Variants in ADCY3 observed in about 807,000 individuals in gnomAD.
The protein encoded by ADCY3 is adenylate cyclase type 3.
In ADCY3, 70 loss-of-function variants were observed where a neutral mutation model predicts 119.4. The ratio of observed to expected loss-of-function variants is 0.59; its 90% CI spans 0.48 to 0.72. ADCY3 has a LOEUF of 0.72. Among genes scored for constraint, ADCY3 ranks in the 30% least tolerant of loss-of-function variants. ADCY3 has a pLI of 0.00. For missense variants in ADCY3, 1,238 were observed against 1,541.6 expected (o/e 0.80, Z 3.30); for synonymous variants, 672 against 621.4 (o/e 1.08, Z -1.21).
intron 3 of ADCY3, among the ~76,000 whole-genome samples, chr2:24,868,353 A>G (rs998934585): frequency 2.0e-5 from 3 of 152,236 alleles, no homozygotes; most frequent in Non-Finnish European, 1.5e-5. Flanking sequence ...ATGTTTTAGG[A>G]AAGAAAGGCT....
intron 17 of ADCY3, 100 bp from the exon 18 acceptor site, chr2:24,823,455 G>T: frequency 7.7e-7 from 1 of 1,301,330 alleles, no homozygotes; most frequent in South Asian, 1.5e-5. Flanking sequence ...TGTGCACTCA[G>T]CTTTTTGGAC....
At chr2:24,887,318 G>T (rs1677149214) in intron 2 of ADCY3, among the ~76,000 whole-genome samples, 1 of 152,152 alleles carries the variant, frequency 6.6e-6, no homozygotes, top group South Asian at 2.1e-4. Flanking sequence ...GACACGTAGG[G>T]ATGATGGAGA....
intron 2 of ADCY3, among the ~76,000 whole-genome samples, chr2:24,880,578 G>C (rs1400906999): frequency 1.3e-5 from 2 of 152,250 alleles, no homozygotes; most frequent in East Asian, 3.8e-4. Flanking sequence ...TATTTCAAAT[G>C]TAAGCATATC....
chr2:24,834,409 A>AGCCGGGGGGGGGGG lies in ADCY3; in HGVS notation c.1967+75_1967+76insCCCCCCCCCCCGGC. 7.8e-7 allele frequency: 1 copy of AGCCGGGGGGGGGGG among 1,281,034 alleles called. No individual in the cohort carries two copies. Among genetic ancestry groups the AGCCGGGGGGGGGGG allele is most frequent in the Non-Finnish European group, 1.1e-6 (1 of 923,992 alleles). 79.4% of individuals were successfully genotyped at this position (1,281,034 alleles called of 1,614,324 possible). ...GCTCCCCAATGTCAGGCTCCCGCTG[A>AGCCGGGGGGGGGGG]GACACCTGCCCCCGCCCCCCGCCCG... On this transcript the variant is annotated intron_variant, in intron 11 of 21. Transcript: ENST00000679454. This position sits in a 1 kb window ranked among gnomAD's most constrained non-coding sequence, Gnocchi z 4.2.
chr2:24,842,265 G>A lies in ADCY3; in HGVS notation c.945C>T (p.His315=), dbSNP rs773963140. 76 of 1,613,994 alleles carry A rather than the reference G, an allele frequency of 4.7e-5. No homozygotes were observed. The highest frequency in any genetic ancestry group is 2.0e-4 in the East Asian group (9 of 44,890). The stretch of plus-strand genomic sequence containing the variant: ...CCGGGCCGGCGTACCTGACGTTCTC[G>A]TGACGGTACATGTACATGGTGTTGA... ...QQFNTMYMYR[H]ENVSILFADI... The change falls in exon 4 of 22, where the codon CAC becomes CAT. Residue 315 remains histidine (H), a synonymous_variant. Transcript: ENST00000679454. This position sits in a 1 kb window ranked among gnomAD's most constrained non-coding sequence, Gnocchi z 4.9.
intron 16 of ADCY3, among the ~76,000 whole-genome samples, chr2:24,825,287 CTTCCTTCTCTT>C (rs1318623978): frequency 8.2e-5 from 12 of 146,014 alleles, no homozygotes; most frequent in African/African-American, 3.1e-4. Context: ...TCTTCCCTCT[CTTCCTTCTCTT>C]TTCCTTTTTT....
At chr2:24,886,957 C>G (rs1010199869) in intron 2 of ADCY3, among the ~76,000 whole-genome samples, 1 of 152,266 alleles carries the variant, frequency 6.6e-6, no homozygotes, top group Non-Finnish European at 1.5e-5. Context: ...ACAAGTGACA[C>G]CCCGTGGCTC....
In ADCY3 at chr2:24,834,529, G is replaced by A. The variant is rs144816894; in HGVS notation, c.1923C>T (p.Val641=). 1.0e-4 allele frequency: 165 copies of A among 1,613,618 alleles called. No individual in the cohort carries two copies. The highest frequency in any genetic ancestry group is 3.3e-4 in the Middle Eastern group (2 of 6,046). Residue 641 remains valine (V), a synonymous_variant, in exon 11 of 22, where the codon GTC becomes GTT. Coordinates refer to ENST00000679454, the MANE Select transcript of ADCY3 (RefSeq NM_004036.5). The surrounding 1 kb of genome is among the most constrained non-coding windows in gnomAD (Gnocchi z 4.2). The part of the protein sequence containing the change: ...QSGAAFSCSC[V]VLLCTALVEI... ...CGACCAGGGCCGTGCAGAGCAGGAC[G>A]ACGCAGGAGCAGCTGAAGGCAGCCC...
At position 24,872,475 on chromosome 2, in the gene ADCY3, C is replaced by G; in HGVS notation, c.825+95G>C. 6.9e-7 allele frequency: 1 copy of G among 1,459,792 alleles called. No homozygotes were observed. The highest frequency in any genetic ancestry group is 1.3e-5 in the South Asian group (1 of 75,630). The allele number at this position is 1,459,792 out of a possible 1,614,324, so 90.4% of individuals were successfully genotyped here. A position where few individuals can be genotyped will look rare whatever the true frequency, so the allele number is the denominator to read the frequency against. ...CAGGGTGGATGAACGCCAAGCCCCA[C>G]GGAGCCAGGGGCTGCCGCTCTGGTT... On this transcript the variant is annotated intron_variant, in intron 3 of 21. Coordinates refer to ENST00000679454, the MANE Select transcript of ADCY3 (RefSeq NM_004036.5). This position sits in a 1 kb window ranked among gnomAD's most constrained non-coding sequence, Gnocchi z 4.4.
rs564902919 is a variant in ADCY3, at chr2:24,904,450, G to A, written c.675+13863C>T. Among the ~76,000 whole-genome samples, 7 of 152,156 alleles carry A rather than the reference G, an allele frequency of 4.6e-5. No individual in the cohort carries two copies. In the East Asian group the frequency reaches 1.4e-3, roughly 30 times the overall value. On this transcript the variant is annotated intron_variant, in intron 2 of 21. Transcript: ENST00000679454. ...GCAGGAGAATCACTTGAACCCGGGA[G>A]GCAGAGGCTGCAGTGAGCCGAGATC...
intron 2 of ADCY3, among the ~76,000 whole-genome samples, chr2:24,917,197 A>G (rs1363749518): frequency 6.6e-6 from 1 of 152,208 alleles, no homozygotes; most frequent in Non-Finnish European, 1.5e-5. Flanking sequence ...CATGGCTGCT[A>G]GAGGCTCACG....
chr2:24,853,705 C>A (rs531377567), intron 3 of ADCY3, among the ~76,000 whole-genome samples: 29 of 152,044 alleles, frequency 1.9e-4, no homozygotes, highest in African/African-American at 6.5e-4. Context: ...GTGATCTGCC[C>A]GAGATCCTGA....
At chr2:24,873,404 G>C (rs1412922874) in intron 2 of ADCY3, among the ~76,000 whole-genome samples, 1 of 152,164 alleles carries the variant, frequency 6.6e-6, no homozygotes, top group Non-Finnish European at 1.5e-5. Context: ...GGGGTGTCCT[G>C]GGACTTGAGG....
At chr2:24,892,793 T>C (rs1483363498) in intron 2 of ADCY3, among the ~76,000 whole-genome samples, 1 of 152,194 alleles carries the variant, frequency 6.6e-6, no homozygotes, top group Non-Finnish European at 1.5e-5. Flanking sequence ...AAAGTATATA[T>C]TGTCTGGTAC....
At chr2:24,912,724 T>C (rs1441997066) in intron 2 of ADCY3, among the ~76,000 whole-genome samples, 1 of 152,134 alleles carries the variant, frequency 6.6e-6, no homozygotes, top group Non-Finnish European at 1.5e-5. Flanking sequence ...AAAGCGCTGA[T>C]TTAAAATAAT....
rs898042925 is a variant in ADCY3 at position 24,899,639 on chromosome 2, G to A, written c.675+18674C>T. Among the ~76,000 whole-genome samples the A allele has an allele frequency of 1.3e-5, 2 of 152,218 alleles. No homozygotes were observed. The highest frequency in any genetic ancestry group is 2.9e-5 in the Non-Finnish European group (2 of 68,038). The stretch of plus-strand genomic sequence containing the variant: ...GGCACCACCCAGCTGATGGAGGCAG[G>A]GCTGCAGACGGCAGAGGCATCTCAT... On this transcript the variant is annotated intron_variant, in intron 2 of 21. Coordinates refer to ENST00000679454, the MANE Select transcript of ADCY3 (RefSeq NM_004036.5). This position sits in a 1 kb window ranked among gnomAD's most constrained non-coding sequence, Gnocchi z 4.5.
Position 24,827,451 on chromosome 2 carries a change from G to A in ADCY3, c.2495+95C>T, listed in dbSNP as rs77673895. 10,468 of 1,400,392 alleles carry A rather than the reference G, an allele frequency of 7.5e-3. 449 individuals carry two copies. The African/African-American group carries it at 0.12, about 16-fold the overall frequency. The allele number at this position is 1,400,392 out of a possible 1,614,324, so 86.7% of individuals were successfully genotyped here. ...GCACGTATCAGGTCACGTGCCTCCC[G>A]GGAGGGTGAGATCCCGGGGCTTGGG... On this transcript the variant is annotated intron_variant, in intron 15 of 21. Coordinates refer to ENST00000679454, the MANE Select transcript of ADCY3 (RefSeq NM_004036.5).
intron 17 of ADCY3, 140 bp from the exon 18 acceptor site, chr2:24,823,495 T>TTA: frequency 2.2e-6 from 2 of 890,184 alleles, no homozygotes; most frequent in Admixed American, 6.9e-5. Flanking sequence ...TTCCAGCATT[T>TTA]TTTTTTTTTT....
chr2:24,862,284 C>T (rs573291363), intron 3 of ADCY3, among the ~76,000 whole-genome samples: 6 of 152,304 alleles, frequency 3.9e-5, no homozygotes, highest in Non-Finnish European at 7.3e-5. Flanking sequence ...CGGTGGCTCA[C>T]GCCTGTAATC....
Sources: gnomAD v4.1 joint callset for allele counts (sites outside exome capture counted in the v4.1 genomes callset) on GRCh38, gnomAD v4.1.1 for gene constraint, Gnocchi (gnomAD v3.1) non-coding constraint, MANE v1.5 for transcripts, NCBI Gene and HGNC (gene_info 2026-07-23, HGNC 2026-07-21) for gene names.